Variants in BABAM2 observed in about 807,000 individuals in gnomAD.
The protein encoded by BABAM2 is BRISC and BRCA1-A complex member 2.
BABAM2 carries 31 observed loss-of-function variants against 54.7 expected under a neutral mutation model. The ratio of observed to expected loss-of-function variants is 0.57; its 90% CI spans 0.43 to 0.77. The LOEUF (loss-of-function observed/expected upper bound fraction) is 0.77, where lower values mean the gene tolerates loss of function less well. Among genes scored for constraint, BABAM2 ranks in the 30% least tolerant of loss-of-function variants. The pLI is 0.00. For missense variants in BABAM2, 364 were observed against 455.8 expected (o/e 0.80, Z 1.83); for synonymous variants, 167 against 162.9 (o/e 1.03, Z -0.19).
rs374733074 is a variant in BABAM2 at position 27,929,051 on chromosome 2, TAAAAAAA to T, written c.129-767_129-761del. Among the ~76,000 whole-genome samples, 395 of 114,612 alleles carry T rather than the reference TAAAAAAA, an allele frequency of 3.4e-3. 4 individuals are homozygous for T. In the Middle Eastern group the frequency reaches 0.061, roughly 18 times the overall value. 75.2% of individuals were successfully genotyped at this position (114,612 alleles called of 152,430 possible). A position where few individuals can be genotyped will look rare whatever the true frequency, so the allele number is the denominator to read the frequency against. On this transcript the variant is annotated intron_variant, in intron 2 of 11. Transcript: ENST00000379624. ...GGTAACATAGTGAGACCTCCTCTCT[TAAAAAAA>T]AAAAAAAAAAAAAGCCAGGTGTGGT... is the stretch of plus-strand genomic sequence containing the variant.
intron 6 of BABAM2, among the ~76,000 whole-genome samples, chr2:28,082,193 G>A (rs564935432): frequency 7.4e-4 from 112 of 152,302 alleles, no homozygotes; most frequent in African/African-American, 2.5e-3. Flanking sequence ...TTCTTTTTCA[G>A]CGTGATATAT....
At chr2:27,982,049 C>T (rs1672044644) in intron 3 of BABAM2, among the ~76,000 whole-genome samples, 1 of 152,070 alleles carries the variant, frequency 6.6e-6, no homozygotes, top group African/African-American at 2.4e-5. Flanking sequence ...TTATAGCCAT[C>T]CAAGTGGGTA....
intron 7 of BABAM2, among the ~76,000 whole-genome samples, chr2:28,185,357 A>G (rs556314315): frequency 6.6e-6 from 1 of 152,306 alleles, no homozygotes; most frequent in Non-Finnish European, 1.5e-5. Context: ...GAATTGTGCA[A>G]CACTGATACA....
chr2:28,298,292 A>T, intron 10 of BABAM2, 46 bp from the exon 11 acceptor site: 2 of 1,573,724 alleles, frequency 1.3e-6, no homozygotes, highest in Non-Finnish European at 8.6e-7. Flanking sequence ...AAATCTTAAG[A>T]TGTGTTTATG....
At chr2:27,987,814 CAAAA>C (rs201176376) in intron 3 of BABAM2, among the ~76,000 whole-genome samples, 175 bp from the exon 4 acceptor site, 6 of 62,150 alleles carry the variant, frequency 9.7e-5, no homozygotes, top group African/African-American at 1.2e-4. Flanking sequence ...GACCCTGTCT[CAAAA>C]AAAAAAAAAA....
intron 7 of BABAM2, among the ~76,000 whole-genome samples, chr2:28,138,000 T>C (rs1168587706): frequency 6.6e-6 from 1 of 152,218 alleles, no homozygotes; most frequent in Non-Finnish European, 1.5e-5. Context: ...GCAGATTTTT[T>C]TTCTGCCGTG....
rs933105250 is a variant in BABAM2, at chr2:28,067,497, G to C, written c.570+21698G>C. Among the ~76,000 whole-genome samples the C allele has an allele frequency of 3.9e-4, 59 of 152,154 alleles. 1 individual carries two copies. The highest frequency in any genetic ancestry group is 1.4e-3 in the African/African-American group (57 of 41,426). On this transcript the variant is annotated intron_variant, in intron 6 of 11. Transcript: ENST00000379624. ...CTATCTGTTGAAATCTTACCCATCA[G>C]ATATGGCATTATACAACGGTCACCT...
chr2:28,192,341 T>TTTACCTTTAATATTAAA (rs1677007618), intron 7 of BABAM2, among the ~76,000 whole-genome samples: 1 of 151,432 alleles, frequency 6.6e-6, no homozygotes. Context: ...GCCAGGAGAT[T>TTTACCTTTAATATTAAA]GTATATTACC....
At chr2:27,946,709 G>C (rs914238185) in intron 3 of BABAM2, among the ~76,000 whole-genome samples, 4 of 152,058 alleles carry the variant, frequency 2.6e-5, no homozygotes, top group African/African-American at 7.2e-5. Flanking sequence ...AGAGGAGAGA[G>C]AGAGAGAGCA....
intron 3 of BABAM2, among the ~76,000 whole-genome samples, chr2:27,957,831 A>C (rs1260584010): frequency 6.6e-6 from 1 of 152,136 alleles, no homozygotes; most frequent in African/African-American, 2.4e-5. Flanking sequence ...ATGACTTTCA[A>C]GGCTGGGTCA....
At chr2:28,184,672 G>T (rs184219604) in intron 7 of BABAM2, among the ~76,000 whole-genome samples, 1 of 151,996 alleles carries the variant, frequency 6.6e-6, no homozygotes, top group Non-Finnish European at 1.5e-5. Context: ...CTATGGCTGC[G>T]TAGTATTCCA....
rs543888677 is a variant in BABAM2 at position 28,168,148 on chromosome 2, C to T, written c.680+38768C>T. Among the ~76,000 whole-genome samples, 9 of 152,236 alleles carry T rather than the reference C, an allele frequency of 5.9e-5. No individual in the cohort carries two copies. The East Asian group carries it at 9.6e-4, about 16-fold the overall frequency. On this transcript the variant is annotated intron_variant, in intron 7 of 11. Coordinates refer to ENST00000379624, the MANE Select transcript of BABAM2 (RefSeq NM_199191.3). ...AGCACTTCCAACTAAAAGGTGTTCC[C>T]GTGGTCTAGACGTAGAAGCTGCCTT... is the stretch of plus-strand genomic sequence containing the variant.
chr2:28,114,088 A>C (rs1668378451), intron 6 of BABAM2, among the ~76,000 whole-genome samples: 1 of 152,242 alleles, frequency 6.6e-6, no homozygotes, highest in African/African-American at 2.4e-5. Context: ...AAAAGCTGGC[A>C]GCATTCCCTT....
At chr2:28,271,276 G>A (rs970834690) in intron 10 of BABAM2, among the ~76,000 whole-genome samples, 2 of 152,182 alleles carry the variant, frequency 1.3e-5, no homozygotes, top group African/African-American at 2.4e-5. Context: ...CAAGGTGGTC[G>A]AGTGTGTTTG....
At chr2:28,242,243 G>T (rs1268737157) in intron 9 of BABAM2, among the ~76,000 whole-genome samples, 1 of 152,172 alleles carries the variant, frequency 6.6e-6, no homozygotes, top group Non-Finnish European at 1.5e-5. Context: ...TCCAGCATTC[G>T]ATGCAAAAGC....
At chr2:28,268,090 A>G (rs1438961567) in intron 10 of BABAM2, among the ~76,000 whole-genome samples, 1 of 152,224 alleles carries the variant, frequency 6.6e-6, no homozygotes, top group African/African-American at 2.4e-5. Context: ...ATTTTTATAT[A>G]AAGAGCTCAA....
intron 11 of BABAM2, among the ~76,000 whole-genome samples, chr2:28,323,239 G>A (rs1366443352): frequency 6.6e-6 from 1 of 152,192 alleles, no homozygotes; most frequent in Non-Finnish European, 1.5e-5. Context: ...CTGCTGATTT[G>A]AAGGGTGGAA....
chr2:28,100,827 A>T (rs1418085690), intron 6 of BABAM2, among the ~76,000 whole-genome samples: 2 of 152,162 alleles, frequency 1.3e-5, no homozygotes, highest in Non-Finnish European at 2.9e-5. Context: ...AAGGGCATGT[A>T]TGTGGGCCTG....
At chr2:27,981,275 C>T (rs951856837) in intron 3 of BABAM2, among the ~76,000 whole-genome samples, 1 of 151,946 alleles carries the variant, frequency 6.6e-6, no homozygotes, top group African/African-American at 2.4e-5. Flanking sequence ...TCAGTAAACA[C>T]TTTGTAATTT....
Sources: allele counts gnomAD v4.1 joint callset (sites outside exome capture counted in the v4.1 genomes callset), GRCh38; gene constraint gnomAD v4.1.1; transcripts MANE v1.5; gene names NCBI Gene and HGNC (gene_info 2026-07-23, HGNC 2026-07-21).